The following KIRREL3 variants were observed in gnomAD, a reference collection of about 807,000 sequenced individuals.
KIRREL3 encodes kirre like nephrin family adhesion molecule 3, also known as kin of IRRE-like protein 3.
KIRREL3 carries 36 observed loss-of-function variants against 89.7 expected under a neutral mutation model. The ratio of observed to expected loss-of-function variants is 0.40; its 90% CI spans 0.31 to 0.53. KIRREL3 has a LOEUF of 0.53. Among genes scored for constraint, KIRREL3 ranks in the 20% least tolerant of loss-of-function variants. The pLI is 0.49. For missense variants in KIRREL3, 864 were observed against 1,056.6 expected (o/e 0.82, Z 2.53); for synonymous variants, 445 against 441.4 (o/e 1.01, Z -0.10).
At position 126,780,762 on chromosome 11, in the gene KIRREL3, G is replaced by C. The variant is rs2134327084; in HGVS notation, c.56-217850C>G. 6.6e-6 allele frequency among the ~76,000 whole-genome samples: 1 copy of C among 152,288 alleles called. No individual in the cohort carries two copies. The highest frequency in any genetic ancestry group is 1.9e-4 in the East Asian group (1 of 5,178). On this transcript the variant is annotated intron_variant, in intron 1 of 16. Coordinates refer to ENST00000525144, the MANE Select transcript of KIRREL3 (RefSeq NM_032531.4). The surrounding 1 kb of genome is among the most constrained non-coding windows in gnomAD (Gnocchi z 5.3). ...GCAGTCTCAGGAATAGGATACAATT[G>C]TGGTCTTTACATGAAATCAACAAAC...
intron 6 of KIRREL3, among the ~76,000 whole-genome samples, chr11:126,457,287 ATGTGTGTATGCGTGTGTATGTCTC>A (rs950656614): frequency 7.1e-5 from 10 of 141,206 alleles, no homozygotes; most frequent in Non-Finnish European, 1.2e-4. Context: ...GCATATGTGT[ATGTGTGTATGCGTGTGTATGTCTC>A]TGTGTGTATG....
chr11:126,625,933 C>T (rs1409906260), intron 1 of KIRREL3, among the ~76,000 whole-genome samples: 1 of 152,182 alleles, frequency 6.6e-6, no homozygotes, highest in Non-Finnish European at 1.5e-5. Context: ...GATTTATTTT[C>T]TTGTGTATCT....
chr11:126,887,272 T>C (rs1945736171), intron 1 of KIRREL3, among the ~76,000 whole-genome samples: 1 of 152,076 alleles, frequency 6.6e-6, no homozygotes, highest in Admixed American at 6.5e-5. Context: ...ATGCAGCCCG[T>C]GAGTATTAGA....
At chr11:126,631,401 G>A (rs558740157) in intron 1 of KIRREL3, among the ~76,000 whole-genome samples, 7 of 152,294 alleles carry the variant, frequency 4.6e-5, no homozygotes, top group Non-Finnish European at 1.0e-4. Context: ...CCCAGCACAA[G>A]GCACCTATTC....
At chr11:126,923,126 CTTCT>C (rs1947431745) in intron 1 of KIRREL3, among the ~76,000 whole-genome samples, 1 of 43,200 alleles carries the variant, frequency 2.3e-5, no homozygotes, top group African/African-American at 1.5e-4. Flanking sequence ...CCTTCTCCTT[CTTCT>C]CTTCTTCTTC....
intron 1 of KIRREL3, among the ~76,000 whole-genome samples, chr11:126,633,368 C>CA (rs146526963): frequency 0.024 from 3,575 of 152,018 alleles, 39 homozygotes; most frequent in Middle Eastern, 0.092. Flanking sequence ...AACAAACAAA[C>CA]AAAAAAATTG....
Position 126,948,255 on chromosome 11 carries a change from G to C in KIRREL3, c.55+52200C>G, listed in dbSNP as rs763934448. 6.6e-6 allele frequency among the ~76,000 whole-genome samples: 1 copy of C among 151,874 alleles called. No individual in the cohort carries two copies. On this transcript the variant is annotated intron_variant, in intron 1 of 16. Coordinates refer to ENST00000525144, the MANE Select transcript of KIRREL3 (RefSeq NM_032531.4). The surrounding 1 kb of genome is among the most constrained non-coding windows in gnomAD (Gnocchi z 4.5). Reference sequence around the variant, plus strand: ...ATTCTATATTATTGAAATTGTACTTGATAATGAAAAAGTTGGTCAAATTTC... The same window carrying C: ...ATTCTATATTATTGAAATTGTACTTCATAATGAAAAAGTTGGTCAAATTTC...
chr11:126,811,914 T>C lies in KIRREL3; in HGVS notation c.55+188541A>G, dbSNP rs1951402728. On this transcript the variant is annotated intron_variant, in intron 1 of 16. Coordinates refer to ENST00000525144, the MANE Select transcript of KIRREL3 (RefSeq NM_032531.4). This position sits in a 1 kb window ranked among gnomAD's most constrained non-coding sequence, Gnocchi z 4.3. ...CAATGAACTTCTAAGAGAAATCAGA[T>C]CAAGCCCTCAAACATTAATTTACAG... is the stretch of plus-strand genomic sequence containing the variant. Among the ~76,000 whole-genome samples, 1 of 152,106 alleles carries C rather than the reference T, an allele frequency of 6.6e-6. No individual in the cohort carries two copies. Among genetic ancestry groups the C allele is most frequent in the Admixed American group, 6.5e-5 (1 of 15,278 alleles).
chr11:126,511,389 C>A (rs1401202260), intron 4 of KIRREL3, among the ~76,000 whole-genome samples: 3 of 152,052 alleles, frequency 2.0e-5, no homozygotes, highest in Non-Finnish European at 4.4e-5. Flanking sequence ...GGCAGTCGGT[C>A]ATGGGTCCCC....
At chr11:126,831,308 T>C (rs1943597840) in intron 1 of KIRREL3, among the ~76,000 whole-genome samples, 1 of 152,200 alleles carries the variant, frequency 6.6e-6, no homozygotes, top group Non-Finnish European at 1.5e-5. Context: ...AGAGAAATGT[T>C]GGACTGAATC....
chr11:126,457,778 C>T (rs1184547096), intron 6 of KIRREL3, among the ~76,000 whole-genome samples: 3 of 152,034 alleles, frequency 2.0e-5, no homozygotes, highest in Non-Finnish European at 4.4e-5. Flanking sequence ...ACATAGGGCC[C>T]GACAATGACA....
chr11:126,572,185 A>G (rs1170153011), intron 1 of KIRREL3, among the ~76,000 whole-genome samples: 4 of 152,166 alleles, frequency 2.6e-5, no homozygotes, highest in Non-Finnish European at 5.9e-5. Context: ...TTCCCAAAAG[A>G]CTAAGACTGA....
At chr11:126,819,553 C>A (rs2134448715) in intron 1 of KIRREL3, among the ~76,000 whole-genome samples, 1 of 152,342 alleles carries the variant, frequency 6.6e-6, no homozygotes, top group African/African-American at 2.4e-5. Flanking sequence ...GATACAGCCA[C>A]CCCAATTAAG....
chr11:126,458,722 G>A (rs1047652975), intron 6 of KIRREL3, among the ~76,000 whole-genome samples: 4 of 152,228 alleles, frequency 2.6e-5, no homozygotes, highest in African/African-American at 9.7e-5. Context: ...TCCTGGTGCG[G>A]TCAGCCTGCC....
At chr11:126,873,828 T>C (rs1352650797) in intron 1 of KIRREL3, among the ~76,000 whole-genome samples, 1 of 152,210 alleles carries the variant, frequency 6.6e-6, no homozygotes, top group Non-Finnish European at 1.5e-5. Flanking sequence ...AAAGAAGCAG[T>C]AACTGCCTAC....
At chr11:126,458,288 G>C (rs753193261) in intron 6 of KIRREL3, among the ~76,000 whole-genome samples, 7 of 152,236 alleles carry the variant, frequency 4.6e-5, no homozygotes, top group African/African-American at 1.4e-4. Context: ...CAGAGGCAAT[G>C]AGGAAAAATG....
intron 1 of KIRREL3, among the ~76,000 whole-genome samples, chr11:126,713,851 C>G (rs968442910): frequency 6.6e-6 from 1 of 151,960 alleles, no homozygotes; most frequent in Non-Finnish European, 1.5e-5. Flanking sequence ...GTGGGGAGCA[C>G]GGAACAGCAT....
At position 126,708,039 on chromosome 11, in the gene KIRREL3, C is replaced by T. The variant is rs571331703; in HGVS notation, c.56-145127G>A. Among the ~76,000 whole-genome samples, 12 of 152,248 alleles carry T rather than the reference C, an allele frequency of 7.9e-5. 1 individual carries two copies. The East Asian group carries it at 1.2e-3, about 15-fold the overall frequency. On this transcript the variant is annotated intron_variant, in intron 1 of 16. Coordinates refer to ENST00000525144, the MANE Select transcript of KIRREL3 (RefSeq NM_032531.4). This position sits in a 1 kb window ranked among gnomAD's most constrained non-coding sequence, Gnocchi z 5.7. ...ACAGGCGATTGGCAATACTCCCCTCCGCATCCCTGAAGCAGGTGATGATCT... is the reference window on the plus strand; with the variant it reads ...ACAGGCGATTGGCAATACTCCCCTCTGCATCCCTGAAGCAGGTGATGATCT...
chr11:126,911,553 C>G (rs987398142), intron 1 of KIRREL3, among the ~76,000 whole-genome samples: 2 of 152,176 alleles, frequency 1.3e-5, no homozygotes, highest in East Asian at 3.9e-4. Context: ...TGTGCCCCTC[C>G]TCTCTCCCCG....
Sources: gnomAD v4.1 joint callset for allele counts (sites outside exome capture counted in the v4.1 genomes callset) on GRCh38, gnomAD v4.1.1 for gene constraint, Gnocchi (gnomAD v3.1) non-coding constraint, MANE v1.5 for transcripts, NCBI Gene and HGNC (gene_info 2026-07-23, HGNC 2026-07-21) for gene names.